SPEF2: variants seen among roughly 807,000 people sequenced by gnomAD.
SPEF2 encodes sperm flagella and cilia-associated protein 2.
In SPEF2, 187 loss-of-function variants were observed where a neutral mutation model predicts 224.6. The ratio of observed to expected loss-of-function variants is 0.83; its 90% CI spans 0.74 to 0.94. SPEF2 has a LOEUF of 0.94. Ranked by LOEUF, SPEF2 falls within the 40% of genes least tolerant of loss-of-function variation. The pLI, the probability that SPEF2 is intolerant of heterozygous loss-of-function variation, is 0.00. For missense variants in SPEF2, 2,170 were observed against 2,135.6 expected (o/e 1.02, Z -0.32); for synonymous variants, 715 against 707.3 (o/e 1.01, Z -0.17).
intron 10 of SPEF2, chr5:35,684,005 G>C (rs1329067252): frequency 6.6e-6 from 1 of 152,174 alleles, no homozygotes; most frequent in African/African-American, 2.4e-5. Context: ...CTGAGCGTCA[G>C]AGTCTGGGCC....
In SPEF2 at chr5:35,700,732, G is replaced by A. The variant is rs1213179305; in HGVS notation, c.2378G>A (p.Ser793Asn). ...GATGTTTCAGATACTTCCTCAATGA[G>A]TCGCATGAATGATATTATAGGTAAG... is the stretch of plus-strand genomic sequence containing the variant. ...LLDVSDTSSM[S>N]RMNDIIAEEL... The change falls in exon 16 of 37, where the codon AGT becomes AAT. Residue 793 changes from serine (S) to asparagine (N), a missense_variant. By Grantham distance (46) the Ser-to-Asn change is conservative. Transcript: ENST00000356031. 6.2e-7 allele frequency: 1 copy of A among 1,613,868 alleles called. No homozygotes were observed. The highest frequency in any genetic ancestry group is 1.1e-5 in the South Asian group (1 of 91,070).
chr5:35,659,117 G>A lies in SPEF2; in HGVS notation c.1077G>A (p.Lys359=), dbSNP rs1394614770. The change falls in exon 8 of 37, where the codon AAG becomes AAA. Residue 359 remains lysine, a synonymous_variant. Transcript: ENST00000356031. ...AVQLMHVRHE[K]EVLWQNRIFR... ...AGCTCATGCATGTTCGGCATGAAAA[G>A]GAAGTTTTATGGCAAAACAGAATTT... 1.9e-6 allele frequency: 3 copies of A among 1,612,886 alleles called. No homozygotes were observed. Among genetic ancestry groups the A allele is most frequent in the East Asian group, 4.5e-5 (2 of 44,766 alleles).
intron 1 of SPEF2, among the ~76,000 whole-genome samples, chr5:35,622,792 G>A (rs564119720): frequency 6.6e-6 from 1 of 152,272 alleles, no homozygotes; most frequent in South Asian, 2.1e-4. Flanking sequence ...AGTAGCAGAA[G>A]GCTATTGTGT....
At chr5:35,705,570 G>T (rs80067003) in intron 17 of SPEF2, 81 bp from the exon 18 acceptor site, 4 of 972,318 alleles carry the variant, frequency 4.1e-6, no homozygotes, top group Admixed American at 6.0e-5. Context: ...TTTTCATTAC[G>T]CATGTCGGAT....
Position 35,800,143 on chromosome 5 carries a change from A to G in SPEF2, c.5006A>G (p.Glu1669Gly). 1 of 1,614,116 alleles carries G rather than the reference A, an allele frequency of 6.2e-7. No individual in the cohort carries two copies. The highest frequency in any genetic ancestry group is 8.5e-7 in the Non-Finnish European group (1 of 1,180,004). Residue 1669 changes from glutamate to glycine, a missense_variant, in exon 34 of 37, where the codon GAA becomes GGA. Glu to Gly is a moderately conservative substitution (Grantham distance 98). Coordinates refer to ENST00000356031, the MANE Select transcript of SPEF2 (RefSeq NM_024867.4). ...GTCAAAGCTTCCATTCCAAGTGCAGAAAAGGTAATTGCATTCCAGAAATAG... is the reference window on the plus strand; with the variant it reads ...GTCAAAGCTTCCATTCCAAGTGCAGGAAAGGTAATTGCATTCCAGAAATAG... The part of the protein sequence containing the change: ...QQVKASIPSA[E>G]KTSSTDAGPA...
rs1449107738 is a variant in SPEF2 at position 35,702,961 on chromosome 5, GGA to G, written c.2399-1586_2399-1585del. Among the ~76,000 whole-genome samples, 6 of 152,130 alleles carry G rather than the reference GGA, an allele frequency of 3.9e-5. No individual in the cohort carries two copies. The South Asian group carries it at 1.2e-3, about 32-fold the overall frequency. ...TATGCGAGCCATTTCATGGAGGGTGGGAGAGAGAAGGAAGGATTGCAGTGTAT... is the reference window on the plus strand; with the variant it reads ...TATGCGAGCCATTTCATGGAGGGTGGGAGAGAAGGAAGGATTGCAGTGTAT... On this transcript the variant is annotated intron_variant, in intron 16 of 36. Coordinates refer to ENST00000356031, the MANE Select transcript of SPEF2 (RefSeq NM_024867.4).
At chr5:35,670,971 T>TACTCTCCCCATCCC (rs1387030070) in intron 10 of SPEF2, 5 of 985,398 alleles carry the variant, frequency 5.1e-6, no homozygotes, top group Non-Finnish European at 6.0e-6. Context: ...CTCACCATCC[T>TACTCTCCCCATCCC]ACTCTCCCCA....
intron 27 of SPEF2, among the ~76,000 whole-genome samples, chr5:35,773,080 TA>T (rs1753095519): frequency 6.6e-6 from 1 of 152,176 alleles, no homozygotes; most frequent in South Asian, 2.1e-4. Context: ...AAGTTCTAAT[TA>T]AAATATAATT....
Position 35,771,770 on chromosome 5 carries a change from T to C in SPEF2, c.3949+14T>C, listed in dbSNP as rs1177165559. On this transcript the variant is annotated intron_variant, in intron 27 of 36. Transcript: ENST00000356031. ...AAAAACCCAAAGGTATTTATGGTTT[T>C]AGCACTCAGAACCCTGGATGCCTAA... 1.3e-6 allele frequency: 2 copies of C among 1,582,158 alleles called. No homozygotes were observed. The highest frequency in any genetic ancestry group is 1.2e-5 in the South Asian group (1 of 84,166).
At chr5:35,712,784 T>C (rs757975270) in intron 19 of SPEF2, 28 bp from the exon 20 acceptor site, 36 of 1,609,792 alleles carry the variant, frequency 2.2e-5, no homozygotes, top group Non-Finnish European at 3.0e-5. Context: ...AAATCATCAA[T>C]GATTTTTGTG....
intron 18 of SPEF2, 113 bp from the exon 19 acceptor site, chr5:35,708,835 T>G: frequency 1.0e-6 from 1 of 974,424 alleles, no homozygotes; most frequent in South Asian, 1.8e-5. Context: ...AAGCATGAAT[T>G]AGCTTTAAAT....
chr5:35,767,012 T>A (rs967525802), intron 26 of SPEF2, among the ~76,000 whole-genome samples: 6 of 151,838 alleles, frequency 4.0e-5, no homozygotes, highest in African/African-American at 1.4e-4. Flanking sequence ...TTTAAGTGTT[T>A]AGTGTACATA....
At chr5:35,713,779 T>G (rs1443487254) in intron 20 of SPEF2, among the ~76,000 whole-genome samples, 3 of 111,032 alleles carry the variant, frequency 2.7e-5, no homozygotes, top group Non-Finnish European at 3.5e-5. Context: ...AGTATATATA[T>G]TATATATAGT....
intron 6 of SPEF2, among the ~76,000 whole-genome samples, chr5:35,653,282 C>G (rs1748455504): frequency 6.6e-6 from 1 of 152,172 alleles, no homozygotes; most frequent in South Asian, 2.1e-4. Context: ...ATCTCTAGGG[C>G]ATGAGCAAGA....
At position 35,745,621 on chromosome 5, in the gene SPEF2, A is replaced by G. The variant is rs542778678; in HGVS notation, c.3330+5354A>G. 1.6e-4 allele frequency among the ~76,000 whole-genome samples: 24 copies of G among 152,292 alleles called. No homozygotes were observed. The South Asian group carries it at 4.1e-3, about 26-fold the overall frequency. On this transcript the variant is annotated intron_variant, in intron 23 of 36. Coordinates refer to ENST00000356031, the MANE Select transcript of SPEF2 (RefSeq NM_024867.4). ...ACAATCCTCCTAGGTGCATAACTCCAGTGACCTGGGAATCTCACCCCCAAC... is the reference window on the plus strand; with the variant it reads ...ACAATCCTCCTAGGTGCATAACTCCGGTGACCTGGGAATCTCACCCCCAAC...
chr5:35,625,093 G>A (rs2149361656), intron 1 of SPEF2, among the ~76,000 whole-genome samples: 1 of 151,014 alleles, frequency 6.6e-6, no homozygotes, highest in South Asian at 2.1e-4. Context: ...ATCATTTGCT[G>A]TATTCGTCAC....
At chr5:35,784,900 C>G (rs528456251) in intron 30 of SPEF2, among the ~76,000 whole-genome samples, 4 of 152,090 alleles carry the variant, frequency 2.6e-5, no homozygotes, top group Non-Finnish European at 5.9e-5. Context: ...TGCAAAGCCT[C>G]AGAGAACCCA....
chr5:35,618,012 G>A lies in SPEF2; in HGVS notation c.15G>A (p.Leu5=), dbSNP rs1742893949. The change falls in exon 1 of 37, where the codon CTG becomes CTA. Residue 5 remains leucine (L), a synonymous_variant. Coordinates refer to ENST00000356031, the MANE Select transcript of SPEF2 (RefSeq NM_024867.4). MSEI[L]CQWLNKELKV... ...CCGGCTGAACCATGTCGGAGATCCT[G>A]TGCCAGTGGCTCAACAAGGAGTTGA... 6.3e-7 allele frequency: 1 copy of A among 1,585,068 alleles called. No homozygotes were observed. Among genetic ancestry groups the A allele is most frequent in the East Asian group, 2.3e-5 (1 of 43,524 alleles).
intron 26 of SPEF2, 92 bp from the exon 27 acceptor site, chr5:35,771,517 G>T: frequency 6.8e-7 from 1 of 1,470,466 alleles, no homozygotes; most frequent in Admixed American, 2.4e-5. Flanking sequence ...AGTGGATTAA[G>T]GTTTCAACAG....
Sources: allele counts gnomAD v4.1 joint callset (sites outside exome capture counted in the v4.1 genomes callset), GRCh38; gene constraint gnomAD v4.1.1; transcripts MANE v1.5; gene names NCBI Gene and HGNC (gene_info 2026-07-23, HGNC 2026-07-21).